The following C8orf34 variants were observed in gnomAD, a reference collection of about 807,000 sequenced individuals.
C8orf34 encodes uncharacterized protein C8orf34.
Under a neutral mutation model 68.3 loss-of-function variants are expected in C8orf34, and 65 were observed. The observed-to-expected ratio is 0.95, with a 90% CI of 0.78 to 1.17. The LOEUF (loss-of-function observed/expected upper bound fraction) is 1.17, where lower values mean the gene tolerates loss of function less well. C8orf34 is among the 50% of genes most tolerant of loss of function. The pLI is 0.00. For missense variants in C8orf34, 664 were observed against 655.4 expected, an observed-to-expected ratio of 1.01 and a Z score of -0.14; for synonymous variants, 244 against 241.2, an observed-to-expected ratio of 1.01 and a Z score of -0.11.
At chr8:68,569,095 G>C (rs943335765) in intron 7 of C8orf34, among the ~76,000 whole-genome samples, 5 of 152,026 alleles carry the variant, frequency 3.3e-5, no homozygotes, top group African/African-American at 1.2e-4. Flanking sequence ...ATAACCTCCT[G>C]ATTTATTGAC....
intron 8 of C8orf34, among the ~76,000 whole-genome samples, chr8:68,645,723 G>A (rs1819149043): frequency 6.6e-6 from 1 of 152,168 alleles, no homozygotes; most frequent in Admixed American, 6.5e-5. Context: ...TAAGACTCAA[G>A]TGATGTTGAG....
rs923682415 is a variant in C8orf34, at chr8:68,818,841, C to G, written c.*595C>G. On this transcript the variant is annotated 3_prime_UTR_variant, in exon 14 of 14. Coordinates refer to ENST00000518698, the MANE Select transcript of C8orf34 (RefSeq NM_052958.4). ...TAATTGATATGTTAATTAAGTAAAGCAAATCAATAAGGAATGAAATGCATG... is the reference window on the plus strand; with the variant it reads ...TAATTGATATGTTAATTAAGTAAAGGAAATCAATAAGGAATGAAATGCATG... 4 of 151,966 alleles carry G rather than the reference C, an allele frequency of 2.6e-5. No individual in the cohort carries two copies. Among genetic ancestry groups the G allele is most frequent in the African/African-American group, 9.7e-5 (4 of 41,374 alleles). The allele number at this position is 151,966 out of a possible 1,614,324, so 9.4% of individuals were successfully genotyped here.
chr8:68,634,034 CA>C (rs950884785), intron 7 of C8orf34, among the ~76,000 whole-genome samples: 3 of 151,308 alleles, frequency 2.0e-5, no homozygotes, highest in Non-Finnish European at 2.9e-5. Context: ...AATGAAGATC[CA>C]AAAAACAGAG....
At chr8:68,548,165 G>C in intron 7 of C8orf34, among the ~76,000 whole-genome samples, 1 of 151,454 alleles carries the variant, frequency 6.6e-6, no homozygotes, top group East Asian at 1.9e-4. Flanking sequence ...AATCACTAAA[G>C]ATGAAAGAAA....
At chr8:68,391,258 G>T (rs1212378078) in intron 1 of C8orf34, among the ~76,000 whole-genome samples, 23 of 152,108 alleles carry the variant, frequency 1.5e-4, no homozygotes, top group Admixed American at 1.4e-3. Context: ...GATGATACTT[G>T]CCAATGTCCC....
At chr8:68,773,327 T>C (rs1366086774) in intron 10 of C8orf34, among the ~76,000 whole-genome samples, 2 of 152,186 alleles carry the variant, frequency 1.3e-5, no homozygotes, top group Admixed American at 6.5e-5. Context: ...CACTTGGCCT[T>C]GTACCACACT....
chr8:68,470,722 C>T (rs1812344864), intron 4 of C8orf34, among the ~76,000 whole-genome samples: 1 of 152,048 alleles, frequency 6.6e-6, no homozygotes, highest in African/African-American at 2.4e-5. Context: ...CTTGGTTCCA[C>T]AGATTGTATA....
At position 68,339,271 on chromosome 8, in the gene C8orf34, T is replaced by A. The variant is rs527594666; in HGVS notation, c.327+7932T>A. 1.2e-3 allele frequency among the ~76,000 whole-genome samples: 188 copies of A among 151,704 alleles called. 2 individuals carry two copies. The highest frequency in any genetic ancestry group is 4.5e-3 in the African/African-American group (185 of 41,516). On this transcript the variant is annotated intron_variant, in intron 1 of 13. Coordinates refer to ENST00000518698, the MANE Select transcript of C8orf34 (RefSeq NM_052958.4). ...GTATCTACAAAAAAGAGACAATAAA[T>A]AATAAGTAAGTTTATTAAGGTTTTA... is the stretch of plus-strand genomic sequence containing the variant.
At chr8:68,403,707 C>T in intron 1 of C8orf34, among the ~76,000 whole-genome samples, 1 of 152,170 alleles carries the variant, frequency 6.6e-6, no homozygotes, top group East Asian at 1.9e-4. Context: ...CTGCAAAGGA[C>T]ATGAACTCAT....
At chr8:68,598,394 T>C (rs567205094) in intron 7 of C8orf34, among the ~76,000 whole-genome samples, 2 of 152,268 alleles carry the variant, frequency 1.3e-5, no homozygotes, top group South Asian at 2.1e-4. Context: ...CCGAGGGTTC[T>C]TGGGGACCCA....
At chr8:68,606,288 T>G (rs1330448474) in intron 7 of C8orf34, among the ~76,000 whole-genome samples, 1 of 152,136 alleles carries the variant, frequency 6.6e-6, no homozygotes, top group East Asian at 1.9e-4. Context: ...ACTAACTGGG[T>G]GCAGGAATTG....
chr8:68,409,764 C>T (rs1037454890), intron 1 of C8orf34, among the ~76,000 whole-genome samples: 1 of 152,174 alleles, frequency 6.6e-6, no homozygotes, highest in African/African-American at 2.4e-5. Flanking sequence ...ACTGACTCAC[C>T]CAGAGCAACT....
intron 7 of C8orf34, chr8:68,534,036 A>G: frequency 1.0e-6 from 1 of 980,750 alleles, no homozygotes; most frequent in Non-Finnish European, 1.2e-6. Context: ...AGAAAAATAT[A>G]GGCCATTTTC....
At chr8:68,799,132 A>G (rs1295370158) in intron 12 of C8orf34, among the ~76,000 whole-genome samples, 1 of 152,200 alleles carries the variant, frequency 6.6e-6, no homozygotes, top group African/African-American at 2.4e-5. Context: ...AAAAGTTAGA[A>G]TAGGGGATGC....
chr8:68,650,806 G>A (rs150278750), intron 8 of C8orf34, among the ~76,000 whole-genome samples: 37 of 152,242 alleles, frequency 2.4e-4, no homozygotes, highest in Non-Finnish European at 3.2e-4. Flanking sequence ...ATGCAGATGG[G>A]TTCCCTACCT....
intron 7 of C8orf34, among the ~76,000 whole-genome samples, chr8:68,539,470 A>G (rs1352524993): frequency 1.3e-5 from 2 of 152,232 alleles, no homozygotes; most frequent in Non-Finnish European, 2.9e-5. Flanking sequence ...TAAAAATCAA[A>G]TGTATAACTA....
chr8:68,549,602 A>G (rs1437696267), intron 7 of C8orf34, among the ~76,000 whole-genome samples: 1 of 151,796 alleles, frequency 6.6e-6, no homozygotes, highest in Non-Finnish European at 1.5e-5. Flanking sequence ...TATAAAAATC[A>G]TGTCTGCATA....
intron 7 of C8orf34, among the ~76,000 whole-genome samples, chr8:68,595,766 A>G (rs1817531311): frequency 6.6e-6 from 1 of 152,086 alleles, no homozygotes; most frequent in African/African-American, 2.4e-5. Flanking sequence ...TAATTTTTAA[A>G]AATTATTTTC....
At chr8:68,716,996 A>G (rs1024169210) in intron 9 of C8orf34, among the ~76,000 whole-genome samples, 4 of 151,784 alleles carry the variant, frequency 2.6e-5, no homozygotes, top group African/African-American at 9.7e-5. Context: ...TAAATGTACA[A>G]CAATTGTTTT....
Sources: gnomAD v4.1 joint callset for allele counts (sites outside exome capture counted in the v4.1 genomes callset) on GRCh38, gnomAD v4.1.1 for gene constraint, MANE v1.5 for transcripts, NCBI Gene and HGNC (gene_info 2026-07-23, HGNC 2026-07-21) for gene names.